The following CD109 variants were observed in gnomAD, a reference collection of about 807,000 sequenced individuals.
The protein encoded by CD109 is CD109 antigen.
A neutral mutation model predicts 165.8 loss-of-function variants in CD109; 149 were observed. That is an observed-to-expected ratio of 0.90 (90% confidence interval 0.79 to 1.03). The LOEUF is 1.03. Among genes scored for constraint, CD109 ranks in the 50% least tolerant of loss-of-function variants. The pLI, the probability that CD109 is intolerant of heterozygous loss-of-function variation, is 0.00. For missense variants in CD109, 1,712 were observed against 1,677.8 expected (o/e 1.02, Z -0.36); for synonymous variants, 585 against 592.1 (o/e 0.99, Z 0.18).
intron 2 of CD109, among the ~76,000 whole-genome samples, chr6:73,710,036 C>G (rs1472457786): frequency 6.6e-6 from 1 of 152,178 alleles, no homozygotes; most frequent in Admixed American, 6.5e-5. Context: ...TGGCACAAGA[C>G]AGGGATGTCC....
intron 2 of CD109, among the ~76,000 whole-genome samples, chr6:73,697,941 G>C (rs1383020507): frequency 6.6e-6 from 1 of 152,192 alleles, no homozygotes; most frequent in Non-Finnish European, 1.5e-5. Flanking sequence ...ACAGGCAAGG[G>C]AGGCTGGGAA....
At chr6:73,698,505 G>A (rs1253021707) in intron 2 of CD109, among the ~76,000 whole-genome samples, 1 of 151,760 alleles carries the variant, frequency 6.6e-6, no homozygotes, top group Admixed American at 6.6e-5. Flanking sequence ...TTTTTATAAT[G>A]TTAAGAGTTA....
chr6:73,813,569 G>C (rs1213004586), intron 29 of CD109, among the ~76,000 whole-genome samples: 1 of 152,010 alleles, frequency 6.6e-6, no homozygotes, highest in African/African-American at 2.4e-5. Flanking sequence ...CAAAGAAGTT[G>C]GTCACTCAGA....
At chr6:73,715,593 A>G (rs1771710850) in intron 2 of CD109, among the ~76,000 whole-genome samples, 1 of 151,668 alleles carries the variant, frequency 6.6e-6, no homozygotes, top group African/African-American at 2.4e-5. Flanking sequence ...AGGTATGTAT[A>G]ATAAAACCAA....
chr6:73,766,492 T>C (rs1773850748), intron 11 of CD109, among the ~76,000 whole-genome samples: 2 of 147,560 alleles, frequency 1.4e-5, no homozygotes, highest in African/African-American at 5.1e-5. Flanking sequence ...TATATACATA[T>C]ATATATATAC....
chr6:73,778,962 G>A (rs945536251), intron 15 of CD109, among the ~76,000 whole-genome samples: 2 of 151,972 alleles, frequency 1.3e-5, no homozygotes, highest in Non-Finnish European at 2.9e-5. Flanking sequence ...ACCATTTTAA[G>A]TGTTTAATTC....
chr6:73,788,375 C>A, intron 21 of CD109, 93 bp from the exon 22 acceptor site: 1 of 1,100,690 alleles, frequency 9.1e-7, no homozygotes, highest in Non-Finnish European at 1.3e-6. Context: ...ACCTCAGACA[C>A]AACAGGTCAG....
intron 23 of CD109, among the ~76,000 whole-genome samples, chr6:73,797,733 T>G (rs1775215301): frequency 6.6e-6 from 1 of 152,182 alleles, no homozygotes; most frequent in South Asian, 2.1e-4. Context: ...TTTTTATCTT[T>G]ATTATAATAA....
upstream of CD109, chr6:73,696,123 G>GA (rs955656745): frequency 8.9e-5 from 111 of 1,244,736 alleles, no homozygotes; most frequent in Middle Eastern, 3.9e-4. Context: ...AATTAAGAGG[G>GA]AAAAAAAATC....
rs754326353 is a variant in CD109, at chr6:73,788,573, A to G, written c.2662A>G (p.Thr888Ala). ...TTTGAGTTTCTCATTTCCTCCTAAT[A>G]CAGTGACTGGCAGTGAAAGAGTTCA... ...KTLSFSFPPN[T>A]VTGSERVQIT... is the part of the protein sequence containing the mutation. The change falls in exon 22 of 33, where the codon ACA becomes GCA. Residue 888 changes from threonine (T) to alanine (A), a missense_variant. Physicochemically the swap from Thr to Ala is moderately conservative, Grantham distance 58. Coordinates refer to ENST00000287097, the MANE Select transcript of CD109 (RefSeq NM_133493.5). The G allele has an allele frequency of 3.7e-6, 6 of 1,613,366 alleles. No individual in the cohort carries two copies. The South Asian group carries it at 6.6e-5, about 18-fold the overall frequency.
chr6:73,768,320 G>A (rs1773923125), intron 14 of CD109, 89 bp downstream of exon 14: 2 of 776,944 alleles, frequency 2.6e-6, no homozygotes, highest in South Asian at 3.8e-5. Flanking sequence ...GTATCATTAA[G>A]CCAAACTGGT....
At chr6:73,817,103 A>T (rs1775964208) in intron 30 of CD109, among the ~76,000 whole-genome samples, 1 of 152,210 alleles carries the variant, frequency 6.6e-6, no homozygotes, top group Admixed American at 6.5e-5. Context: ...GTATTTTTTC[A>T]GCAGCACATT....
the CD109 span, among the ~76,000 whole-genome samples, chr6:73,684,114 G>C: frequency 6.6e-6 from 1 of 151,878 alleles, no homozygotes; most frequent in African/African-American, 2.4e-5. Flanking sequence ...AATTTCAGTT[G>C]TTTTTGATAT....
At chr6:73,735,983 T>C (rs1772526597) in intron 4 of CD109, among the ~76,000 whole-genome samples, 1 of 152,166 alleles carries the variant, frequency 6.6e-6, no homozygotes. Flanking sequence ...TAGTGTTTCA[T>C]GTAGAAGGAA....
chr6:73,686,692 CTCTT>C, the CD109 span, among the ~76,000 whole-genome samples: 19 of 152,178 alleles, frequency 1.2e-4, no homozygotes, highest in South Asian at 4.2e-4. Flanking sequence ...TCAGTCCTCT[CTCTT>C]TCTTTCTTTT....
chr6:73,766,945 TAGGTGG>T lies in CD109; in HGVS notation c.1435-2_1438del. Reference sequence around the variant, plus strand: ...GTACATATTAATTAAGGTTTTTTTCTAGGTGGGATCGCCTTTTGAGTTGGTGGTTAG... The same window carrying T: ...GTACATATTAATTAAGGTTTTTTTCTGATCGCCTTTTGAGTTGGTGGTTAG... On this transcript the variant is annotated splice_acceptor_variant and coding_sequence_variant, in exon 13 of 33. Transcript: ENST00000287097. LOFTEE classifies it high-confidence loss of function. 6.2e-7 allele frequency: 1 copy of T among 1,613,038 alleles called. No homozygotes were observed. Among genetic ancestry groups the T allele is most frequent in the Non-Finnish European group, 8.5e-7 (1 of 1,179,158 alleles).
chr6:73,730,262 C>CT (rs761026309), intron 3 of CD109, 82 bp from the exon 4 acceptor site: 33 of 905,608 alleles, frequency 3.6e-5, no homozygotes, highest in African/African-American at 8.4e-5. Flanking sequence ...TGTGTATTTA[C>CT]TTTTTTTATT....
At chr6:73,785,533 C>A in intron 20 of CD109, 56 bp downstream of exon 20, 2 of 1,007,906 alleles carry the variant, frequency 2.0e-6, no homozygotes, top group South Asian at 1.4e-5. Context: ...ATCGAGGTAG[C>A]ATGAAGGGAT....
chr6:73,757,493 A>AT (rs1043762792), intron 6 of CD109, among the ~76,000 whole-genome samples: 1 of 151,930 alleles, frequency 6.6e-6, no homozygotes, highest in Admixed American at 6.6e-5. Context: ...TCTTCTTTTG[A>AT]TTTTTTTCAA....
Sources: gnomAD v4.1 joint callset for allele counts (sites outside exome capture counted in the v4.1 genomes callset) on GRCh38, gnomAD v4.1.1 for gene constraint, MANE v1.5 for transcripts, NCBI Gene and HGNC (gene_info 2026-07-23, HGNC 2026-07-21) for gene names.